NELL1: variants seen among roughly 807,000 people sequenced by gnomAD.
The protein encoded by NELL1 is protein kinase C-binding protein NELL1.
In NELL1, 76 loss-of-function variants were observed where a neutral mutation model predicts 107.4. The ratio of observed to expected loss-of-function variants is 0.71; its 90% CI spans 0.59 to 0.86. The LOEUF (loss-of-function observed/expected upper bound fraction) is 0.86. Ranked by LOEUF, NELL1 falls within the 40% of genes least tolerant of loss-of-function variation. The pLI is 0.00. For synonymous variants in NELL1, 353 were observed against 341.2 expected (o/e 1.03, Z -0.38); for missense variants, 1,024 against 1,005.5 (o/e 1.02, Z -0.25).
intron 9 of NELL1, among the ~76,000 whole-genome samples, chr11:20,930,682 C>T (rs186674319): frequency 4.3e-4 from 66 of 152,128 alleles, no homozygotes; most frequent in Non-Finnish European, 6.0e-4. Flanking sequence ...TCTCACTAGA[C>T]GTGTGTGGGA....
rs67447563 is a variant in NELL1, at chr11:20,915,717, ATTTT to A, written c.604-2450_604-2447del. ...TCATAGATGATATATATATATATATATTTTTTTTTTTTTTTTTTGAGAGGAATAA... is the reference window on the plus strand; with the variant it reads ...TCATAGATGATATATATATATATATATTTTTTTTTTTTTTGAGAGGAATAA... On this transcript the variant is annotated intron_variant, in intron 5 of 19. Coordinates refer to ENST00000357134, the MANE Select transcript of NELL1 (RefSeq NM_006157.5). Among the ~76,000 whole-genome samples the A allele has an allele frequency of 7.6e-4, 44 of 58,214 alleles. 1 individual carries two copies. The highest frequency in any genetic ancestry group is 4.2e-3 in the Admixed American group (20 of 4,734). The allele number at this position is 58,214 out of a possible 152,430, so 38.2% of individuals were successfully genotyped here.
At chr11:21,044,818 T>C (rs1280356309) in intron 12 of NELL1, among the ~76,000 whole-genome samples, 1 of 152,106 alleles carries the variant, frequency 6.6e-6, no homozygotes, top group Non-Finnish European at 1.5e-5. Context: ...AAATGAGAGC[T>C]GTAAAGTATA....
chr11:21,017,860 C>T (rs971900552), intron 12 of NELL1, among the ~76,000 whole-genome samples: 10 of 152,052 alleles, frequency 6.6e-5, no homozygotes, highest in Non-Finnish European at 1.5e-5. Context: ...AAGTGGAAAT[C>T]AGCTTGTTGG....
chr11:20,842,300 C>T (rs1033881110), intron 3 of NELL1, among the ~76,000 whole-genome samples: 11 of 151,118 alleles, frequency 7.3e-5, no homozygotes, highest in Admixed American at 2.6e-4. Flanking sequence ...ATGGCTTGAA[C>T]ATGGGAGGTG....
chr11:21,282,378 G>A (rs1020636390), intron 14 of NELL1, among the ~76,000 whole-genome samples: 1 of 151,522 alleles, frequency 6.6e-6, no homozygotes, highest in East Asian at 1.9e-4. Flanking sequence ...CAGCGTTTAG[G>A]CTGAGGCACG....
At chr11:21,226,688 G>T (rs980872937) in intron 13 of NELL1, among the ~76,000 whole-genome samples, 3 of 152,100 alleles carry the variant, frequency 2.0e-5, no homozygotes, top group African/African-American at 7.2e-5. Context: ...TGGCATTAAT[G>T]ACAAAATTTG....
At chr11:21,558,383 A>C (rs989099545) in intron 16 of NELL1, among the ~76,000 whole-genome samples, 2 of 150,710 alleles carry the variant, frequency 1.3e-5, no homozygotes, top group African/African-American at 4.9e-5. Context: ...GGAATGGCTA[A>C]ATAATCAAGC....
At chr11:21,502,966 T>C (rs1364533418) in intron 15 of NELL1, among the ~76,000 whole-genome samples, 4 of 152,196 alleles carry the variant, frequency 2.6e-5, no homozygotes, top group African/African-American at 9.6e-5. Flanking sequence ...CACCACAACT[T>C]CCGCCTCCCG....
At chr11:21,075,408 A>G (rs1272754321) in intron 12 of NELL1, among the ~76,000 whole-genome samples, 1 of 152,166 alleles carries the variant, frequency 6.6e-6, no homozygotes, top group Admixed American at 6.6e-5. Flanking sequence ...CACAAGGAAG[A>G]GGCAGGAGCT....
chr11:20,882,871 G>A (rs1223591736), intron 4 of NELL1, among the ~76,000 whole-genome samples: 1 of 151,944 alleles, frequency 6.6e-6, no homozygotes, highest in Non-Finnish European at 1.5e-5. Flanking sequence ...TCCAACTGTT[G>A]TTCAGCCTTT....
chr11:21,218,461 C>A, intron 13 of NELL1, among the ~76,000 whole-genome samples: 1 of 152,134 alleles, frequency 6.6e-6, no homozygotes, highest in South Asian at 2.1e-4. Flanking sequence ...TTACCCATCA[C>A]CTCAAATATT....
At chr11:20,853,861 C>T (rs991996107) in intron 4 of NELL1, among the ~76,000 whole-genome samples, 2 of 152,112 alleles carry the variant, frequency 1.3e-5, no homozygotes, top group Non-Finnish European at 2.9e-5. Flanking sequence ...ATGCTTTTTA[C>T]ACCAATAGAA....
chr11:21,102,600 G>T lies in NELL1; in HGVS notation c.1301-10989G>T, dbSNP rs557360629. ...TTAAATGAGTTAATAATATAGGACA[G>T]CACCTGGCACTTGCAAAATGTTATA... On this transcript the variant is annotated intron_variant, in intron 12 of 19. Transcript: ENST00000357134. 4.6e-5 allele frequency among the ~76,000 whole-genome samples: 7 copies of T among 152,258 alleles called. No individual in the cohort carries two copies. The South Asian group carries it at 8.3e-4, about 18-fold the overall frequency.
In NELL1 at chr11:21,400,980, C is replaced by T. The variant is rs368256728; in HGVS notation, c.1645+30032C>T. Among the ~76,000 whole-genome samples, 157 of 151,958 alleles carry T rather than the reference C, an allele frequency of 1.0e-3. 2 individuals are homozygous for T. The South Asian group carries it at 0.025, about 24-fold the overall frequency. On this transcript the variant is annotated intron_variant, in intron 15 of 19. Transcript: ENST00000357134. ...CACAGAAAATAACACATTTCATACA[C>T]CAGTGATGGCAGCAAAGACAAATTT... is the stretch of plus-strand genomic sequence containing the variant.
At chr11:20,680,013 A>G (rs1257349637) in intron 2 of NELL1, among the ~76,000 whole-genome samples, 1 of 152,126 alleles carries the variant, frequency 6.6e-6, no homozygotes, top group Non-Finnish European at 1.5e-5. Context: ...GCCCGGCTAC[A>G]ACAACTGGGA....
chr11:21,022,496 G>C (rs1852723833), intron 12 of NELL1, among the ~76,000 whole-genome samples: 1 of 152,108 alleles, frequency 6.6e-6, no homozygotes, highest in Admixed American at 6.6e-5. Context: ...CCTTGAAAAT[G>C]GGACTAAGTC....
intron 15 of NELL1, among the ~76,000 whole-genome samples, chr11:21,407,275 G>T (rs1192372939): frequency 6.6e-6 from 1 of 151,948 alleles, no homozygotes; most frequent in East Asian, 2.0e-4. Flanking sequence ...AGTTAGCCAG[G>T]CATGATGGCG....
chr11:21,090,909 C>A (rs1048089310), intron 12 of NELL1, among the ~76,000 whole-genome samples: 1 of 152,190 alleles, frequency 6.6e-6, no homozygotes, highest in Non-Finnish European at 1.5e-5. Context: ...ACAAAATAGA[C>A]TTGGATTTCA....
At chr11:21,399,971 C>T (rs1342065724) in intron 15 of NELL1, among the ~76,000 whole-genome samples, 2 of 151,806 alleles carry the variant, frequency 1.3e-5, no homozygotes, top group Non-Finnish European at 2.9e-5. Context: ...GCATTACTAA[C>T]TAGTTTAGGA....
Sources: gnomAD v4.1 joint callset for allele counts (sites outside exome capture counted in the v4.1 genomes callset) on GRCh38, gnomAD v4.1.1 for gene constraint, MANE v1.5 for transcripts, NCBI Gene and HGNC (gene_info 2026-07-23, HGNC 2026-07-21) for gene names.